ZUP1: variants seen among roughly 807,000 people sequenced by gnomAD.
ZUP1 encodes the protein zinc finger containing ubiquitin peptidase 1, also known as zinc finger-containing ubiquitin peptidase 1.
ZUP1 carries 55 observed loss-of-function variants against 68.1 expected under a neutral mutation model. The observed-to-expected ratio is 0.81, with a 90% CI of 0.65 to 1.01. The LOEUF is 1.01. Ranked by LOEUF, ZUP1 falls within the 50% of genes least tolerant of loss-of-function variation. The pLI, the probability that ZUP1 is intolerant of heterozygous loss-of-function variation, is 0.00. For missense variants in ZUP1, 684 were observed against 674.9 expected (o/e 1.01, Z -0.15); for synonymous variants, 223 against 221.5 (o/e 1.01, Z -0.06).
intron 5 of ZUP1, 69 bp from the exon 6 acceptor site, chr6:116,652,261 A>G: frequency 8.1e-7 from 1 of 1,237,224 alleles, no homozygotes; most frequent in Non-Finnish European, 1.1e-6. Context: ...CATTTTTAAT[A>G]TCAACCTCTC....
chr6:116,660,903 G>C, intron 2 of ZUP1, 57 bp from the exon 3 acceptor site: 1 of 1,064,140 alleles, frequency 9.4e-7, no homozygotes, highest in East Asian at 2.8e-5. Context: ...TTTTTTCTTT[G>C]CTTTTTTTTT....
Position 116,638,753 on chromosome 6 carries a change from G to C in ZUP1, c.1690-2874C>G, listed in dbSNP as rs573207100. Among the ~76,000 whole-genome samples, 4 of 152,366 alleles carry C rather than the reference G, an allele frequency of 2.6e-5. No individual in the cohort carries two copies. The South Asian group carries it at 6.2e-4, about 24-fold the overall frequency. On this transcript the variant is annotated intron_variant, in intron 9 of 9. Transcript: ENST00000368576. ...AGCTCCGGTCTACAGCTCCCAGCAT[G>C]AGTGACGCAGAAGACGGGTGATTTC...
rs538816740 is a variant in ZUP1 at position 116,640,231 on chromosome 6, C to T, written c.1690-4352G>A. ...GTCTGATTGGTGTACCTGAAAGTGA[C>T]GGGGAGAATGGAACCAAGTTGGAAA... On this transcript the variant is annotated intron_variant, in intron 9 of 9. Coordinates refer to ENST00000368576, the MANE Select transcript of ZUP1 (RefSeq NM_145062.3). Among the ~76,000 whole-genome samples, 157 of 152,100 alleles carry T rather than the reference C, an allele frequency of 1.0e-3. 1 individual carries two copies. The highest frequency in any genetic ancestry group is 3.4e-3 in the African/African-American group (142 of 41,482).
intron 7 of ZUP1, among the ~76,000 whole-genome samples, 176 bp downstream of exon 7, chr6:116,651,396 G>C (rs1358750567): frequency 3.9e-5 from 6 of 152,174 alleles, no homozygotes; most frequent in African/African-American, 1.4e-4. Flanking sequence ...CTGAGAGACA[G>C]AACTTGAGGG....
chr6:116,661,485 G>A (rs2114284337), intron 2 of ZUP1, among the ~76,000 whole-genome samples: 1 of 152,336 alleles, frequency 6.6e-6, no homozygotes, highest in Admixed American at 6.5e-5. Context: ...ACCCAACAGA[G>A]TGGTAAGGTG....
chr6:116,640,831 C>G (rs9387424), intron 9 of ZUP1, among the ~76,000 whole-genome samples: 27,967 of 150,414 alleles, frequency 0.19, 2,765 homozygotes, highest in East Asian at 0.29. Flanking sequence ...CAAATTCACA[C>G]ACAACAATAT....
chr6:116,651,970 A>G, intron 6 of ZUP1, 34 bp downstream of exon 6: 1 of 1,597,246 alleles, frequency 6.3e-7, no homozygotes, highest in Non-Finnish European at 8.6e-7. Flanking sequence ...GTATTTTATC[A>G]GATGACAAGT....
At chr6:116,668,361 C>T (rs544703603) in intron 1 of ZUP1, among the ~76,000 whole-genome samples, 42 of 152,194 alleles carry the variant, frequency 2.8e-4, no homozygotes, top group African/African-American at 8.7e-4. Flanking sequence ...AAGAGAGTAC[C>T]CAGGTGCCTC....
intron 6 of ZUP1, 71 bp downstream of exon 6, chr6:116,651,933 T>A (rs1776510839): frequency 6.7e-7 from 1 of 1,498,380 alleles, no homozygotes; most frequent in African/African-American, 1.4e-5. Flanking sequence ...CTATTAATTG[T>A]GTATGCTATA....
At chr6:116,649,196 T>A (rs6905711) in intron 7 of ZUP1, among the ~76,000 whole-genome samples, 28,661 of 152,060 alleles carry the variant, frequency 0.19, 2,880 homozygotes, top group East Asian at 0.29. Context: ...AATATTTTTA[T>A]TTCTGAATCT....
chr6:116,637,719 A>T (rs750688656), intron 9 of ZUP1, among the ~76,000 whole-genome samples: 3 of 152,350 alleles, frequency 2.0e-5, no homozygotes, highest in Admixed American at 6.5e-5. Flanking sequence ...GTATTTTACA[A>T]TAATTGAAAC....
intron 9 of ZUP1, among the ~76,000 whole-genome samples, chr6:116,636,462 T>C (rs1392645978): frequency 1.1e-4 from 17 of 152,156 alleles, no homozygotes; most frequent in Admixed American, 9.2e-4. Flanking sequence ...AACATGGCTA[T>C]TGCATAAATC....
At chr6:116,658,096 A>G (rs900088269) in intron 4 of ZUP1, among the ~76,000 whole-genome samples, 1 of 150,852 alleles carries the variant, frequency 6.6e-6, no homozygotes, top group Non-Finnish European at 1.5e-5. Context: ...TCCGTCTCAA[A>G]CAAACAAACA....
chr6:116,637,791 G>A (rs534904866), intron 9 of ZUP1, among the ~76,000 whole-genome samples: 3 of 152,312 alleles, frequency 2.0e-5, no homozygotes, highest in South Asian at 2.1e-4. Context: ...GGCTGGGCAC[G>A]GTGGCTCACG....
At chr6:116,656,243 C>G (rs945825568) in intron 5 of ZUP1, among the ~76,000 whole-genome samples, 3 of 152,070 alleles carry the variant, frequency 2.0e-5, no homozygotes, top group Non-Finnish European at 4.4e-5. Context: ...CCACGCCCAG[C>G]TAATTTTGTA....
chr6:116,646,135 G>T (rs1459198785), intron 8 of ZUP1: 3 of 407,390 alleles, frequency 7.4e-6, no homozygotes, highest in Admixed American at 4.1e-5. Flanking sequence ...TTTTCTAAAG[G>T]CTTCATTACC....
chr6:116,643,907 C>A lies in ZUP1; in HGVS notation c.1689+1807G>T, dbSNP rs566258217. 6.8e-4 allele frequency among the ~76,000 whole-genome samples: 103 copies of A among 152,154 alleles called. 3 individuals carry two copies. The South Asian group carries it at 0.019, about 29-fold the overall frequency. ...ACCATCAGAGTGAACAGGCAACCTA[C>A]AAAATAGGAGAAAATTTTCACAACC... On this transcript the variant is annotated intron_variant, in intron 9 of 9. Coordinates refer to ENST00000368576, the MANE Select transcript of ZUP1 (RefSeq NM_145062.3).
chr6:116,663,267 T>C (rs1044301881), intron 2 of ZUP1, among the ~76,000 whole-genome samples: 1 of 152,222 alleles, frequency 6.6e-6, no homozygotes. Flanking sequence ...CTCATGTTTT[T>C]CTTTACTTTC....
intron 9 of ZUP1, among the ~76,000 whole-genome samples, chr6:116,639,532 G>A (rs6913250): frequency 0.034 from 5,119 of 152,214 alleles, 254 homozygotes; most frequent in African/African-American, 0.11. Context: ...CGCGGTTCAC[G>A]AAAATCCGCT....
Sources: allele counts gnomAD v4.1 joint callset (sites outside exome capture counted in the v4.1 genomes callset), GRCh38; gene constraint gnomAD v4.1.1; transcripts MANE v1.5; gene names NCBI Gene and HGNC (gene_info 2026-07-23, HGNC 2026-07-21).